Variants in HTR2A observed in about 807,000 individuals in gnomAD.
HTR2A encodes 5-HT2 receptor.
Under a neutral mutation model 31.0 loss-of-function variants are expected in HTR2A, and 14 were observed. The ratio of observed to expected loss-of-function variants is 0.45; its 90% CI spans 0.30 to 0.71. The LOEUF is 0.71. HTR2A is among the 30% of genes least tolerant of loss of function. The pLI is 0.09. For missense variants in HTR2A, 442 were observed against 573.3 expected, an observed-to-expected ratio of 0.77 and a Z score of 2.34; for synonymous variants, 209 against 225.2, an observed-to-expected ratio of 0.93 and a Z score of 0.64.
At chr13:46,886,106 T>C (rs922922180) in intron 3 of HTR2A, among the ~76,000 whole-genome samples, 2 of 152,246 alleles carry the variant, frequency 1.3e-5, no homozygotes, top group Non-Finnish European at 2.9e-5. Flanking sequence ...CTGCATTTTT[T>C]GACTTGCTTT....
rs1453322458 is a variant in HTR2A, at chr13:46,833,971, A to T, written c.*866T>A. 1.3e-5 allele frequency: 2 copies of T among 152,230 alleles called. No homozygotes were observed. The highest frequency in any genetic ancestry group is 4.1e-4 in the South Asian group (2 of 4,836). 9.4% of individuals were successfully genotyped at this position (152,230 alleles called of 1,614,324 possible). On this transcript the variant is annotated 3_prime_UTR_variant, in exon 4 of 4. Transcript: ENST00000542664. Reference sequence around the variant, plus strand: ...ATACATTTACTGCTCAAAAGAGTGCATGCATGATGCAGTCATTTCACAGCA... The same window carrying T: ...ATACATTTACTGCTCAAAAGAGTGCTTGCATGATGCAGTCATTTCACAGCA...
chr13:46,872,566 T>C (rs901420066), intron 3 of HTR2A, among the ~76,000 whole-genome samples: 3 of 152,218 alleles, frequency 2.0e-5, no homozygotes, highest in Non-Finnish European at 2.9e-5. Context: ...TGATTTGTTA[T>C]GTCTGTTTAT....
chr13:46,866,060 C>G (rs1210481403), intron 3 of HTR2A, among the ~76,000 whole-genome samples: 1 of 152,158 alleles, frequency 6.6e-6, no homozygotes, highest in Non-Finnish European at 1.5e-5. Flanking sequence ...TGCTCACATC[C>G]TGGGAATCAT....
rs189458400 is a variant in HTR2A, at chr13:46,831,678, T to G, written c.*3159A>C. On this transcript the variant is annotated 3_prime_UTR_variant, in exon 4 of 4. Transcript: ENST00000542664. ...CATATGGCACAGAATAATTTAGCAC[T>G]TTATAAATATGTCTCATTGATGCAC... The G allele has an allele frequency of 6.6e-6, 1 of 152,376 alleles. No homozygotes were observed. Among genetic ancestry groups the G allele is most frequent in the Admixed American group, 6.5e-5 (1 of 15,314 alleles). The allele number at this position is 152,376 out of a possible 1,614,324, so 9.4% of individuals were successfully genotyped here. A position where few individuals can be genotyped will look rare whatever the true frequency, so the allele number is the denominator to read the frequency against.
chr13:46,843,136 A>T (rs1950612840), intron 3 of HTR2A, among the ~76,000 whole-genome samples: 1 of 152,204 alleles, frequency 6.6e-6, no homozygotes, highest in Admixed American at 6.5e-5. Context: ...TTGTGGGATC[A>T]CAATGCTTGT....
intron 3 of HTR2A, among the ~76,000 whole-genome samples, chr13:46,870,254 A>G (rs1309136026): frequency 6.6e-6 from 1 of 152,214 alleles, no homozygotes; most frequent in Non-Finnish European, 1.5e-5. Context: ...GATAGAATAA[A>G]ATAAATCAGA....
chr13:46,839,440 T>C (rs1014128253), intron 3 of HTR2A, among the ~76,000 whole-genome samples: 1 of 152,170 alleles, frequency 6.6e-6, no homozygotes, highest in East Asian at 1.9e-4. Context: ...CCAAGAGAGA[T>C]GAAGACATGG....
intron 3 of HTR2A, among the ~76,000 whole-genome samples, chr13:46,863,030 A>G (rs1041741830): frequency 6.6e-6 from 1 of 152,218 alleles, no homozygotes; most frequent in Non-Finnish European, 1.5e-5. Context: ...GTATAACACT[A>G]GTTACCATGT....
chr13:46,895,997 G>A lies in HTR2A; in HGVS notation c.-91C>T. 2 of 1,503,304 alleles carry A rather than the reference G, an allele frequency of 1.3e-6. No individual in the cohort carries two copies. Among genetic ancestry groups the A allele is most frequent in the East Asian group, 4.6e-5 (2 of 43,664 alleles). 93.1% of individuals were successfully genotyped at this position (1,503,304 alleles called of 1,614,324 possible). On this transcript the variant is annotated 5_prime_UTR_variant, in exon 2 of 4. Transcript: ENST00000542664. This position sits in a 1 kb window ranked among gnomAD's most constrained non-coding sequence, Gnocchi z 4.4. Reference sequence around the variant, plus strand: ...ATTCACCTTGATGTACCCACACTCTGTAACACTGAGGCTGGTGTACATGCT... The same window carrying A: ...ATTCACCTTGATGTACCCACACTCTATAACACTGAGGCTGGTGTACATGCT...
At chr13:46,836,549 T>C (rs1056394907) in intron 3 of HTR2A, among the ~76,000 whole-genome samples, 4 of 152,204 alleles carry the variant, frequency 2.6e-5, no homozygotes, top group Non-Finnish European at 5.9e-5. Flanking sequence ...AAATAACCAA[T>C]TTTAATTCTT....
chr13:46,849,082 A>G (rs1232018673), intron 3 of HTR2A, among the ~76,000 whole-genome samples: 3 of 152,158 alleles, frequency 2.0e-5, no homozygotes, highest in Non-Finnish European at 4.4e-5. Context: ...CCGTCACACT[A>G]GGACTCTGGG....
intron 3 of HTR2A, among the ~76,000 whole-genome samples, chr13:46,873,949 C>T (rs1251317885): frequency 1.3e-5 from 2 of 152,090 alleles, no homozygotes; most frequent in African/African-American, 4.8e-5. Context: ...AAGTTCATTC[C>T]CCTGAGGAAA....
chr13:46,884,589 G>T (rs563438682), intron 3 of HTR2A, among the ~76,000 whole-genome samples: 3 of 152,124 alleles, frequency 2.0e-5, no homozygotes, highest in Non-Finnish European at 4.4e-5. Context: ...GCGTGAACCT[G>T]GGAGGCGGAG....
Position 46,835,281 on chromosome 13 carries a change from C to T in HTR2A, c.972G>A (p.Val324=), listed in dbSNP as rs758202240. The change falls in exon 4 of 4, where the codon GTG becomes GTA. Residue 324 remains valine (V), a synonymous_variant. Transcript: ENST00000542664. Reference sequence around the variant, plus strand: ...CAAACAGGAAGAAGACGATGCCCAGCACCTTGCATGCCTTTTGCTCATTGC... The same window carrying T: ...CAAACAGGAAGAAGACGATGCCCAGTACCTTGCATGCCTTTTGCTCATTGC... The part of the protein sequence containing the change: ...SISNEQKACK[V]LGIVFFLFVV... The T allele has an allele frequency of 6.8e-6, 11 of 1,614,004 alleles. No individual in the cohort carries two copies. The South Asian group carries it at 9.9e-5, about 14-fold the overall frequency.
At chr13:46,867,689 T>C (rs1458716414) in intron 3 of HTR2A, among the ~76,000 whole-genome samples, 1 of 152,240 alleles carries the variant, frequency 6.6e-6, no homozygotes, top group Non-Finnish European at 1.5e-5. Flanking sequence ...CTTTCCTGTA[T>C]ACAATCCACT....
chr13:46,897,122 A>G, upstream of HTR2A: 1 of 306,238 alleles, frequency 3.3e-6, no homozygotes, highest in Non-Finnish European at 5.9e-6. Context: ...AGCAACAGCC[A>G]GGAGGGCGGA....
rs930802372 is a variant in HTR2A, at chr13:46,833,057, G to A, written c.*1780C>T. On this transcript the variant is annotated 3_prime_UTR_variant, in exon 4 of 4. Transcript: ENST00000542664. ...GTCAATGAGTAATACTGAAATGAGT[G>A]AGTTTTTGGAGAAATAGAAGAAAAA... The A allele has an allele frequency of 4.6e-5, 7 of 152,132 alleles. No individual in the cohort carries two copies. Among genetic ancestry groups the A allele is most frequent in the African/African-American group, 1.7e-4 (7 of 41,414 alleles). The allele number at this position is 152,132 out of a possible 1,614,324, so 9.4% of individuals were successfully genotyped here.
intron 3 of HTR2A, chr13:46,854,183 C>G (rs965240895): frequency 2.0e-5 from 3 of 152,200 alleles, no homozygotes; most frequent in Non-Finnish European, 4.4e-5. Context: ...CAAGTTTCCT[C>G]TCTGAGTTGT....
At chr13:46,891,099 G>A (rs1270705639) in intron 3 of HTR2A, among the ~76,000 whole-genome samples, 4 of 152,220 alleles carry the variant, frequency 2.6e-5, no homozygotes, top group Non-Finnish European at 5.9e-5. Context: ...TAGTCCTGCT[G>A]CAAGTTGGAG....
Sources: gnomAD v4.1 joint callset for allele counts (sites outside exome capture counted in the v4.1 genomes callset) on GRCh38, gnomAD v4.1.1 for gene constraint, Gnocchi (gnomAD v3.1) non-coding constraint, MANE v1.5 for transcripts, NCBI Gene and HGNC (gene_info 2026-07-23, HGNC 2026-07-21) for gene names.